TRABD2A: variants seen among roughly 807,000 people sequenced by gnomAD.
TRABD2A encodes the protein metalloprotease TIKI1.
In TRABD2A, 43 loss-of-function variants were observed where a neutral mutation model predicts 45.6. That is an observed-to-expected ratio of 0.94 (90% CI 0.74 to 1.22). The LOEUF (loss-of-function observed/expected upper bound fraction) is 1.22. TRABD2A is among the 50% of genes most tolerant of loss of function. The pLI is 0.00. For synonymous variants in TRABD2A, 269 were observed against 265.0 expected (o/e 1.02, Z -0.15); for missense variants, 642 against 652.4 (o/e 0.98, Z 0.17).
intron 1 of TRABD2A, among the ~76,000 whole-genome samples, chr2:84,877,839 A>G (rs932058688): frequency 2.6e-5 from 4 of 152,010 alleles, no homozygotes; most frequent in African/African-American, 9.7e-5. Context: ...TTCCAAGATT[A>G]CTCTTCAGCA....
chr2:84,851,314 C>A (rs17025647), intron 2 of TRABD2A, among the ~76,000 whole-genome samples: 6,901 of 152,196 alleles, frequency 0.045, 560 homozygotes, highest in African/African-American at 0.16. Context: ...CTGAGGCTTA[C>A]CTGAAAGAGG....
intron 5 of TRABD2A, among the ~76,000 whole-genome samples, chr2:84,825,704 A>G (rs2105370094): frequency 6.6e-6 from 1 of 152,292 alleles, no homozygotes; most frequent in East Asian, 1.9e-4. Flanking sequence ...CCCCCAAGCC[A>G]TGGACTAGCA....
Position 84,824,035 on chromosome 2 carries a change from T to G in TRABD2A, c.1252A>C (p.Arg418=), listed in dbSNP as rs1252763776. 4 of 1,613,712 alleles carry G rather than the reference T, an allele frequency of 2.5e-6. No individual in the cohort carries two copies. The African/African-American group carries it at 4.0e-5, about 16-fold the overall frequency. Residue 418 remains arginine, a synonymous_variant, in exon 6 of 7, where the codon AGG becomes CGG. Coordinates refer to ENST00000409520, the MANE Select transcript of TRABD2A (RefSeq NM_001277053.2). ...GACCGCCTCCGCTTCTTCCGGAACC[T>G]CTGTTCGGCCTCACTGGGCGTGTCG... ...SADTPSEAEQ[R]FRKKRRRSQR...
In TRABD2A at chr2:84,829,028, A is replaced by G. The variant is rs534138042; in HGVS notation, c.1082+3027T>C. 1.4e-3 allele frequency among the ~76,000 whole-genome samples: 208 copies of G among 152,236 alleles called. 4 individuals carry two copies. The South Asian group carries it at 0.042, about 31-fold the overall frequency. ...GGTGGGAGAAGAAAGGGTAGAAAGA[A>G]AAGGTTTGGGAGGTGGAGGGGTCTG... On this transcript the variant is annotated intron_variant, in intron 5 of 6. Transcript: ENST00000409520.
rs1681303554 is a variant in TRABD2A at position 84,830,743 on chromosome 2, G to C, written c.1082+1312C>G. 2.6e-5 allele frequency among the ~76,000 whole-genome samples: 4 copies of C among 152,180 alleles called. No individual in the cohort carries two copies. Among genetic ancestry groups the C allele is most frequent in the Admixed American group, 2.6e-4 (4 of 15,280 alleles). On this transcript the variant is annotated intron_variant, in intron 5 of 6. Coordinates refer to ENST00000409520, the MANE Select transcript of TRABD2A (RefSeq NM_001277053.2). The surrounding 1 kb of genome is among the most constrained non-coding windows in gnomAD (Gnocchi z 4.9). ...GACAGGTGGGGATGAGAGAAGTCCA[G>C]GATGTATCCAGGATTTCCCGCCTGA...
chr2:84,832,847 T>C (rs1306219662), intron 4 of TRABD2A: 1 of 151,490 alleles, frequency 6.6e-6, no homozygotes, highest in Non-Finnish European at 1.5e-5. Context: ...CAGGATGGAA[T>C]GCAATTGTGC....
intron 6 of TRABD2A, among the ~76,000 whole-genome samples, chr2:84,823,426 GCT>G (rs1251271461): frequency 6.6e-6 from 1 of 152,168 alleles, no homozygotes; most frequent in Non-Finnish European, 1.5e-5. Context: ...CTGGATTCCT[GCT>G]CCCAGCCTCT....
At chr2:84,875,867 C>A (rs1439897161) in intron 1 of TRABD2A, among the ~76,000 whole-genome samples, 1 of 152,048 alleles carries the variant, frequency 6.6e-6, no homozygotes, top group African/African-American at 2.4e-5. Context: ...GTGGCAGGCA[C>A]CTCCAGTCCC....
At chr2:84,850,801 A>AT (rs986872035) in intron 2 of TRABD2A, 4 of 152,326 alleles carry the variant, frequency 2.6e-5, no homozygotes, top group Middle Eastern at 3.4e-3. Flanking sequence ...GAAGTGATTG[A>AT]TGTGCAGAAC....
chr2:84,854,839 C>G (rs1364198713), intron 2 of TRABD2A, among the ~76,000 whole-genome samples: 1 of 151,560 alleles, frequency 6.6e-6, no homozygotes, highest in African/African-American at 2.4e-5. Flanking sequence ...ATGCCCCTTG[C>G]CCCCCCAGAG....
At chr2:84,847,944 C>T (rs75140741) in intron 2 of TRABD2A, among the ~76,000 whole-genome samples, 1,614 of 152,128 alleles carry the variant, frequency 0.011, 25 homozygotes, top group African/African-American at 0.037. Flanking sequence ...TACATAATTC[C>T]GATCTACATA....
intron 2 of TRABD2A, among the ~76,000 whole-genome samples, chr2:84,861,058 G>A (rs1418040631): frequency 6.6e-6 from 1 of 152,202 alleles, no homozygotes; most frequent in African/African-American, 2.4e-5. Context: ...TCAGACATCT[G>A]CAAACACTTT....
chr2:84,856,769 G>C (rs1362955548), intron 2 of TRABD2A, among the ~76,000 whole-genome samples: 1 of 152,014 alleles, frequency 6.6e-6, no homozygotes, highest in Non-Finnish European at 1.5e-5. Flanking sequence ...TTTTCAATCA[G>C]TTCAGCTCCA....
At chr2:84,877,177 T>G (rs1196165577) in intron 1 of TRABD2A, among the ~76,000 whole-genome samples, 1 of 152,064 alleles carries the variant, frequency 6.6e-6, no homozygotes, top group East Asian at 1.9e-4. Context: ...TCTTCAGGAC[T>G]CTTCTTTACC....
At chr2:84,852,559 G>T (rs1682133396) in intron 2 of TRABD2A, among the ~76,000 whole-genome samples, 2 of 152,170 alleles carry the variant, frequency 1.3e-5, no homozygotes, top group Admixed American at 1.3e-4. Flanking sequence ...GCTATCAGCA[G>T]CAGGGCCAAT....
rs781671841 is a variant in TRABD2A, at chr2:84,839,247, C to T, written c.893G>A (p.Arg298Gln). 47 of 1,613,806 alleles carry T rather than the reference C, an allele frequency of 2.9e-5. No homozygotes were observed. Among genetic ancestry groups the T allele is most frequent in the Non-Finnish European group, 2.9e-5 (34 of 1,179,856 alleles). Residue 298 changes from arginine to glutamine, a missense_variant, in exon 4 of 7, where the codon CGG becomes CAG. Arg to Gln is a conservative substitution (Grantham distance 43, BLOSUM62 1). Transcript: ENST00000409520. ...CTCATTCCGCTTGTAGATCAGCTCC[C>T]GGCGTAAGTAGCTGTCAATCTCCTG... ...TAQEIDSYLR[R>Q]ELIYKRNERI...
intron 5 of TRABD2A, among the ~76,000 whole-genome samples, chr2:84,825,139 C>T (rs1681113292): frequency 6.6e-6 from 1 of 152,190 alleles, no homozygotes; most frequent in African/African-American, 2.4e-5. Context: ...CTGAAACTCA[C>T]ATCTGCCTGA....
chr2:84,842,141 A>T, intron 2 of TRABD2A, 134 bp from the exon 3 acceptor site: 1 of 936,754 alleles, frequency 1.1e-6, no homozygotes, highest in South Asian at 2.2e-5. Flanking sequence ...TACTTAAAAA[A>T]GGGAACACAA....
intron 2 of TRABD2A, chr2:84,850,703 T>C (rs1014466708): frequency 1.4e-4 from 21 of 152,232 alleles, no homozygotes; most frequent in Admixed American, 1.4e-3. Context: ...GCAGTAGGCA[T>C]GCTCAACCCC....
Sources: gnomAD v4.1 joint callset for allele counts (sites outside exome capture counted in the v4.1 genomes callset) on GRCh38, gnomAD v4.1.1 for gene constraint, Gnocchi (gnomAD v3.1) non-coding constraint, MANE v1.5 for transcripts, NCBI Gene and HGNC (gene_info 2026-07-23, HGNC 2026-07-21) for gene names.